Variants in ASXL1 observed in about 807,000 individuals in gnomAD.
ASXL1 encodes the protein ASXL transcriptional regulator 1, also known as polycomb group protein ASXL1.
ASXL1 carries 65 observed loss-of-function variants against 89.1 expected under a neutral mutation model. That is an observed-to-expected ratio of 0.73 (90% CI 0.60 to 0.90). The LOEUF (loss-of-function observed/expected upper bound fraction) is 0.90, where lower values mean the gene tolerates loss of function less well. Ranked by LOEUF, ASXL1 falls within the 40% of genes least tolerant of loss-of-function variation. ASXL1 has a pLI of 0.00. For synonymous variants in ASXL1, 739 were observed against 746.9 expected (o/e 0.99, Z 0.17); for missense variants, 1,786 against 1,942.9 (o/e 0.92, Z 1.52).
At chr20:32,420,458 A>C (rs1385726331) in intron 4 of ASXL1, among the ~76,000 whole-genome samples, 2 of 152,160 alleles carry the variant, frequency 1.3e-5, no homozygotes, top group Non-Finnish European at 2.9e-5. Context: ...CTGTGGGAGA[A>C]CATTTTATTT....
rs386393629 is a variant in ASXL1 at position 32,369,718 on chromosome 20, C to CTTTTTTT, written c.252+612_252+618dup. Among the ~76,000 whole-genome samples the CTTTTTTT allele has an allele frequency of 6.0e-4, 57 of 94,628 alleles. 3 individuals are homozygous for CTTTTTTT. The highest frequency in any genetic ancestry group is 1.3e-3 in the African/African-American group (34 of 26,240). 62.1% of individuals were successfully genotyped at this position (94,628 alleles called of 152,430 possible). A position where few individuals can be genotyped will look rare whatever the true frequency, so the allele number is the denominator to read the frequency against. ...ACTATGGGGATAATTGCAGATGTGCCTTTTTTTTTTTTTTTTTTTTTTTAT... is the reference window on the plus strand; with the variant it reads ...ACTATGGGGATAATTGCAGATGTGCCTTTTTTTTTTTTTTTTTTTTTTTTTTTTTTAT... On this transcript the variant is annotated intron_variant, in intron 4 of 12. Coordinates refer to ENST00000375687, the MANE Select transcript of ASXL1 (RefSeq NM_015338.6).
intron 4 of ASXL1, chr20:32,371,928 A>G: frequency 2.8e-6 from 1 of 362,146 alleles, no homozygotes; most frequent in Non-Finnish European, 5.2e-6. Flanking sequence ...TTATTGTTAC[A>G]TATGCTGTAA....
At chr20:32,397,802 C>T (rs1201765436) in intron 4 of ASXL1, among the ~76,000 whole-genome samples, 3 of 152,352 alleles carry the variant, frequency 2.0e-5, no homozygotes, top group South Asian at 2.1e-4. Flanking sequence ...TGTGTGCGAC[C>T]TGCTGGCCGC....
chr20:32,408,696 G>T (rs2048996353), intron 4 of ASXL1, among the ~76,000 whole-genome samples: 1 of 152,160 alleles, frequency 6.6e-6, no homozygotes, highest in Admixed American at 6.5e-5. Context: ...GGGATTATGT[G>T]TGTGAGCCAC....
In ASXL1 at chr20:32,431,781, T is replaced by C. The variant is rs2011523522; in HGVS notation, c.979+102T>C. 9.0e-6 allele frequency: 11 copies of C among 1,219,704 alleles called. No individual in the cohort carries two copies. In the South Asian group the frequency reaches 1.4e-4, roughly 15 times the overall value. The allele number at this position is 1,219,704 out of a possible 1,614,324, so 75.6% of individuals were successfully genotyped here. ...CCCAAGCTCGCTCTTCTCAAAGGGT[T>C]ATTTAGTATAAGACAGGCTTTCCTC... On this transcript the variant is annotated intron_variant, in intron 10 of 12. Coordinates refer to ENST00000375687, the MANE Select transcript of ASXL1 (RefSeq NM_015338.6).
At position 32,438,630 on chromosome 20, in the gene ASXL1, A is replaced by G. The variant is rs904364048; in HGVS notation, c.*1292A>G. ...ACAGCCTTAATGGCTGCTTGCTGCC[A>G]TATGTGACAAATCACCACCACCAGT... On this transcript the variant is annotated 3_prime_UTR_variant, in exon 13 of 13. Transcript: ENST00000375687. The G allele has an allele frequency of 1.3e-5, 3 of 233,592 alleles. No individual in the cohort carries two copies. The highest frequency in any genetic ancestry group is 6.0e-5 in the East Asian group (1 of 16,576). 14.5% of individuals were successfully genotyped at this position (233,592 alleles called of 1,614,324 possible).
rs1417772319 is a variant in ASXL1 at position 32,436,167 on chromosome 20, T to C, written c.3455T>C (p.Leu1152Ser). Residue 1152 changes from leucine (L) to serine (S), a missense_variant, in exon 13 of 13, where the codon TTA becomes TCA. Leu to Ser is a moderately radical substitution (Grantham distance 145). Around this residue, in one of 3 missense-constraint regions of ASXL1, gnomAD observed 1,418 missense variants for 1,427.8 expected, o/e 0.99. Coordinates refer to ENST00000375687, the MANE Select transcript of ASXL1 (RefSeq NM_015338.6). Reference sequence around the variant, plus strand: ...CATGGCTCGCTACGCATGGGATCTTTACATGGTCTTGGAAAAAACAGTGGC... The same window carrying C: ...CATGGCTCGCTACGCATGGGATCTTCACATGGTCTTGGAAAAAACAGTGGC... ...QSHGSLRMGSLHGLGKNSGMV... is the reference protein window; with the variant it reads ...QSHGSLRMGSSHGLGKNSGMV... 1 of 1,614,240 alleles carries C rather than the reference T, an allele frequency of 6.2e-7. No individual in the cohort carries two copies. Among genetic ancestry groups the C allele is most frequent in the East Asian group, 2.2e-5 (1 of 44,882 alleles).
At chr20:32,373,405 A>G (rs1254988867) in intron 4 of ASXL1, among the ~76,000 whole-genome samples, 2 of 152,076 alleles carry the variant, frequency 1.3e-5, no homozygotes, top group Non-Finnish European at 2.9e-5. Flanking sequence ...AATTGTCCCT[A>G]GATTTGCATC....
intron 4 of ASXL1, among the ~76,000 whole-genome samples, chr20:32,375,034 T>C (rs1024529653): frequency 6.6e-6 from 1 of 152,090 alleles, no homozygotes; most frequent in Non-Finnish European, 1.5e-5. Flanking sequence ...ACATATCTGG[T>C]CAGCGTTTTG....
intron 4 of ASXL1, among the ~76,000 whole-genome samples, chr20:32,417,147 A>T (rs913277701): frequency 1.3e-5 from 2 of 152,182 alleles, no homozygotes; most frequent in African/African-American, 4.8e-5. Context: ...TTATTTTTTT[A>T]AAAATTAATG....
intron 4 of ASXL1, among the ~76,000 whole-genome samples, chr20:32,423,172 C>G (rs2011185406): frequency 6.6e-6 from 1 of 152,056 alleles, no homozygotes; most frequent in Non-Finnish European, 1.5e-5. Flanking sequence ...GGCCTGTAAC[C>G]TAGCACTTAG....
At chr20:32,374,892 T>G (rs1051018122) in intron 4 of ASXL1, among the ~76,000 whole-genome samples, 1 of 152,220 alleles carries the variant, frequency 6.6e-6, no homozygotes, top group Non-Finnish European at 1.5e-5. Flanking sequence ...TTGAAAAATT[T>G]CAAACCTATA....
chr20:32,390,891 C>CTTTTTTCTT (rs1239706580), intron 4 of ASXL1, among the ~76,000 whole-genome samples: 4 of 151,580 alleles, frequency 2.6e-5, no homozygotes. Context: ...CAATTTATTT[C>CTTTTTTCTT]TTTTTTCTTT....
Position 32,439,133 on chromosome 20 carries a change from C to T in ASXL1, c.*1795C>T, listed in dbSNP as rs1229592128. The T allele has an allele frequency of 1.3e-5, 3 of 233,418 alleles. No individual in the cohort carries two copies. Among genetic ancestry groups the T allele is most frequent in the Non-Finnish European group, 2.5e-5 (3 of 117,972 alleles). The allele number at this position is 233,418 out of a possible 1,614,324, so 14.5% of individuals were successfully genotyped here. On this transcript the variant is annotated 3_prime_UTR_variant, in exon 13 of 13. Coordinates refer to ENST00000375687, the MANE Select transcript of ASXL1 (RefSeq NM_015338.6). ...GCCAAGTCCAAGTTGTCAACTTAAG[C>T]GTCTGTTTACCAAAGACCGGGAACA... is the stretch of plus-strand genomic sequence containing the variant.
At chr20:32,362,604 C>G (rs1232603206) in intron 1 of ASXL1, among the ~76,000 whole-genome samples, 1 of 152,184 alleles carries the variant, frequency 6.6e-6, no homozygotes, top group African/African-American at 2.4e-5. Context: ...CTACTGCACT[C>G]CATCCAGCCT....
chr20:32,382,338 A>G (rs2048501745), intron 4 of ASXL1, among the ~76,000 whole-genome samples: 1 of 151,606 alleles, frequency 6.6e-6, no homozygotes, highest in South Asian at 2.1e-4. Flanking sequence ...TTAGAAATAA[A>G]CCTTTCTCAG....
At chr20:32,384,542 G>C (rs1447626944) in intron 4 of ASXL1, among the ~76,000 whole-genome samples, 1 of 152,116 alleles carries the variant, frequency 6.6e-6, no homozygotes. Flanking sequence ...TTGGTAAAAG[G>C]TTCCTTCTTT....
intron 4 of ASXL1, among the ~76,000 whole-genome samples, chr20:32,410,970 T>C (rs1343489600): frequency 7.2e-6 from 1 of 137,948 alleles, no homozygotes; most frequent in East Asian, 2.1e-4. Context: ...AGATGGAGGT[T>C]GCAGTGAGCT....
intron 4 of ASXL1, among the ~76,000 whole-genome samples, chr20:32,375,131 G>A (rs942573965): frequency 2.0e-5 from 3 of 151,764 alleles, no homozygotes; most frequent in African/African-American, 4.8e-5. Flanking sequence ...ATAAGCCACC[G>A]TGCCCAGCCA....
Sources: allele counts gnomAD v4.1 joint callset (sites outside exome capture counted in the v4.1 genomes callset), GRCh38; gene constraint gnomAD v4.1.1; regional missense constraint gnomAD v4.1.1; transcripts MANE v1.5; gene names NCBI Gene and HGNC (gene_info 2026-07-23, HGNC 2026-07-21).